SYT9: variants seen among roughly 807,000 people sequenced by gnomAD.
SYT9 encodes synaptotagmin 9.
In SYT9, 22 loss-of-function variants were observed where a neutral mutation model predicts 48.4. That is an observed-to-expected ratio of 0.45 (90% confidence interval 0.32 to 0.65). SYT9 has a LOEUF of 0.65. Ranked by LOEUF, SYT9 falls within the 30% of genes least tolerant of loss-of-function variation. The pLI is 0.03. For missense variants in SYT9, 577 were observed against 622.0 expected, an observed-to-expected ratio of 0.93 and a Z score of 0.77; for synonymous variants, 265 against 245.0, an observed-to-expected ratio of 1.08 and a Z score of -0.76.
chr11:7,410,331 C>G (rs1028039615), intron 3 of SYT9, among the ~76,000 whole-genome samples: 1 of 152,130 alleles, frequency 6.6e-6, no homozygotes, highest in African/African-American at 2.4e-5. Flanking sequence ...ATAAAATGTT[C>G]TGTAAGTGTG....
chr11:7,367,333 G>A (rs1850272736), intron 3 of SYT9, among the ~76,000 whole-genome samples: 1 of 150,154 alleles, frequency 6.7e-6, no homozygotes, highest in African/African-American at 2.5e-5. Flanking sequence ...CGCCCTCCTC[G>A]GCCTCCCAGA....
At chr11:7,362,924 ATCTT>A (rs1815053271) in intron 3 of SYT9, among the ~76,000 whole-genome samples, 1 of 34,104 alleles carries the variant, frequency 2.9e-5, no homozygotes, top group Non-Finnish European at 7.2e-5. Flanking sequence ...TGTCTCTTTT[ATCTT>A]TCTTCTTGCC....
chr11:7,432,739 T>C (rs1847632002), intron 6 of SYT9, among the ~76,000 whole-genome samples: 1 of 150,910 alleles, frequency 6.6e-6, no homozygotes, highest in Non-Finnish European at 1.5e-5. Flanking sequence ...ATCCAATGCT[T>C]GTACCTCTAT....
At chr11:7,362,987 G>A (rs1266413979) in intron 3 of SYT9, among the ~76,000 whole-genome samples, 1 of 33,692 alleles carries the variant, frequency 3.0e-5, no homozygotes, top group African/African-American at 1.2e-4. Flanking sequence ...TGGCCATCGT[G>A]TCTTTCTTTC....
chr11:7,454,103 CCAGT>C, intron 6 of SYT9: 3 of 985,442 alleles, frequency 3.0e-6, no homozygotes, highest in Non-Finnish European at 3.6e-6. Flanking sequence ...TTGCTGCTCC[CCAGT>C]CACTTTTCTT....
chr11:7,392,582 G>GT (rs147959137), intron 3 of SYT9, among the ~76,000 whole-genome samples: 44,757 of 151,554 alleles, frequency 0.3, 7,569 homozygotes, highest in East Asian at 0.6. Context: ...TATTCAGGCT[G>GT]TTTTTTTTAT....
chr11:7,358,945 A>T (rs1017975349), intron 3 of SYT9, among the ~76,000 whole-genome samples: 7 of 152,088 alleles, frequency 4.6e-5, no homozygotes, highest in African/African-American at 1.7e-4. Context: ...GGTGCGCTGC[A>T]CCCACTAACT....
intron 3 of SYT9, among the ~76,000 whole-genome samples, chr11:7,410,368 A>G (rs796080141): frequency 5.9e-5 from 9 of 152,332 alleles, no homozygotes; most frequent in African/African-American, 2.2e-4. Context: ...TCTAAAGTGT[A>G]GTTTAAATCC....
chr11:7,459,185 G>A (rs1372331087), intron 6 of SYT9, among the ~76,000 whole-genome samples: 2 of 152,240 alleles, frequency 1.3e-5, no homozygotes, highest in Admixed American at 1.3e-4. Context: ...GAAGACTGCA[G>A]GTAGAGCACC....
chr11:7,377,194 C>G (rs1589982747), intron 3 of SYT9, among the ~76,000 whole-genome samples: 1 of 151,586 alleles, frequency 6.6e-6, no homozygotes, highest in Admixed American at 6.6e-5. Flanking sequence ...TGGACCCACT[C>G]TATGCCAGGC....
intron 6 of SYT9, among the ~76,000 whole-genome samples, chr11:7,448,806 C>T (rs2134144958): frequency 6.6e-6 from 1 of 152,268 alleles, no homozygotes; most frequent in Middle Eastern, 3.4e-3. Flanking sequence ...CCCCAGAGAC[C>T]TGAACCCCTC....
chr11:7,349,407 A>ACACACACACC (rs1284130603), intron 3 of SYT9, among the ~76,000 whole-genome samples: 1 of 151,770 alleles, frequency 6.6e-6, no homozygotes, highest in African/African-American at 2.4e-5. Flanking sequence ...ACACACACAC[A>ACACACACACC]CCATGAAAAC....
intron 3 of SYT9, among the ~76,000 whole-genome samples, chr11:7,408,956 G>A (rs1847078662): frequency 6.6e-6 from 1 of 152,120 alleles, no homozygotes; most frequent in South Asian, 2.1e-4. Flanking sequence ...TTTGTGTTGA[G>A]TTACAGATCT....
At chr11:7,405,358 T>C (rs1042997496) in intron 3 of SYT9, among the ~76,000 whole-genome samples, 1 of 152,148 alleles carries the variant, frequency 6.6e-6, no homozygotes, top group African/African-American at 2.4e-5. Flanking sequence ...TAGTGTCAAA[T>C]GTCTCGTTGG....
intron 3 of SYT9, among the ~76,000 whole-genome samples, chr11:7,377,221 AG>A (rs1850470610): frequency 6.6e-6 from 1 of 151,652 alleles, no homozygotes; most frequent in South Asian, 2.1e-4. Flanking sequence ...CTAGGAGGTG[AG>A]GGTACAACCC....
At chr11:7,284,282 A>G (rs1435481809) in intron 1 of SYT9, among the ~76,000 whole-genome samples, 1 of 152,154 alleles carries the variant, frequency 6.6e-6, no homozygotes, top group Non-Finnish European at 1.5e-5. Context: ...AAACCTGCAC[A>G]GAGCTGAGCC....
Position 7,416,078 on chromosome 11 carries a change from T to C in SYT9, c.1081T>C (p.Cys361Arg). The C allele has an allele frequency of 6.2e-7, 1 of 1,614,182 alleles. No individual in the cohort carries two copies. Among genetic ancestry groups the C allele is most frequent in the Non-Finnish European group, 8.5e-7 (1 of 1,180,028 alleles). ...TCTGGGAGAGCTGATGTTTTCCCTG[T>C]GCTATCTTCCAACGGCTGGCAGGCT... ...VDLGELMFSL[C>R]YLPTAGRLTI... Residue 361 changes from cysteine to arginine, a missense_variant, in exon 4 of 7, where the codon TGC becomes CGC. Physicochemically the swap from Cys to Arg is radical, Grantham distance 180 (BLOSUM62 -3). Coordinates refer to ENST00000318881, the MANE Select transcript of SYT9 (RefSeq NM_175733.4).
intron 1 of SYT9, among the ~76,000 whole-genome samples, chr11:7,299,360 C>T (rs1490819618): frequency 1.3e-5 from 2 of 152,112 alleles, no homozygotes; most frequent in Non-Finnish European, 1.5e-5. Context: ...AAGGCATACT[C>T]AGCTATTTCT....
In SYT9 at chr11:7,420,513, C is replaced by A; in HGVS notation, c.1345C>A (p.His449Asn). The A allele has an allele frequency of 6.2e-7, 1 of 1,614,070 alleles. No homozygotes were observed. Among genetic ancestry groups the A allele is most frequent in the South Asian group, 1.1e-5 (1 of 91,068 alleles). The change falls in exon 6 of 7, where the codon CAC becomes AAC. Residue 449 changes from histidine to asparagine, a missense_variant. His to Asn is a moderately conservative substitution (Grantham distance 68, BLOSUM62 1). Coordinates refer to ENST00000318881, the MANE Select transcript of SYT9 (RefSeq NM_175733.4). ...TGTGGGCCATTTTCACAGTGTAGGT[C>A]ACAATGAGATCATCGGCGTGTGTCA... ...IAVMDYDRVG[H>N]NEIIGVCQVG...
Sources: gnomAD v4.1 joint callset for allele counts (sites outside exome capture counted in the v4.1 genomes callset) on GRCh38, gnomAD v4.1.1 for gene constraint, MANE v1.5 for transcripts, NCBI Gene and HGNC (gene_info 2026-07-23, HGNC 2026-07-21) for gene names.